Variants in SATB1 observed in about 807,000 individuals in gnomAD.
SATB1 encodes SATB homeobox 1.
SATB1 carries 11 observed loss-of-function variants against 86.9 expected under a neutral mutation model. That is an observed-to-expected ratio of 0.13 (90% CI 0.08 to 0.21). The LOEUF (loss-of-function observed/expected upper bound fraction) is 0.21, where lower values mean the gene tolerates loss of function less well. SATB1 is among the 10% of genes least tolerant of loss of function. The pLI is 1.00. For synonymous variants in SATB1, 357 were observed against 357.2 expected (o/e 1.00, Z 0.01); for missense variants, 551 against 937.6 (o/e 0.59, Z 5.39).
intron 5 of SATB1, 44 bp from the exon 6 acceptor site, chr3:18,397,334 C>G: frequency 3.0e-6 from 3 of 1,016,716 alleles, no homozygotes. Flanking sequence ...CACAGCAGCA[C>G]AAGATGGAAC....
Position 18,424,940 on chromosome 3 carries a change from TGTGTGTGCGTGA to T in SATB1, c.-1350_-1339del, listed in dbSNP as rs1468985949. On this transcript the variant is annotated 5_prime_UTR_variant, in exon 1 of 11. Coordinates refer to ENST00000338745, the MANE Select transcript of SATB1 (RefSeq NM_002971.6). ...ACAGGGAGAGGTGTGTGTGTGTTTG[TGTGTGTGCGTGA>T]GTGTGAGCGCGAGTCCCCGGACGGG... 1.9e-5 allele frequency: 3 copies of T among 155,064 alleles called. No individual in the cohort carries two copies. The highest frequency in any genetic ancestry group is 2.8e-5 in the Non-Finnish European group (2 of 70,430). The allele number at this position is 155,064 out of a possible 1,614,324, so 9.6% of individuals were successfully genotyped here.
chr3:18,348,563 AT>A lies in SATB1; in HGVS notation c.*606del, dbSNP rs1388347172. On this transcript the variant is annotated 3_prime_UTR_variant, in exon 11 of 11. Transcript: ENST00000338745. Reference sequence around the variant, plus strand: ...CCTTTTTTTAAAAAATCATGTAACAATGAGAATGAAAAAAAAGTACAGTGAA... The same window carrying A: ...CCTTTTTTTAAAAAATCATGTAACAAGAGAATGAAAAAAAAGTACAGTGAA... 1 of 152,544 alleles carries A rather than the reference AT, an allele frequency of 6.6e-6. No homozygotes were observed. The highest frequency in any genetic ancestry group is 1.5e-5 in the Non-Finnish European group (1 of 68,016). The allele number at this position is 152,544 out of a possible 1,614,324, so 9.4% of individuals were successfully genotyped here.
At chr3:18,358,970 C>T (rs28630375) in intron 9 of SATB1, among the ~76,000 whole-genome samples, 2,583 of 151,926 alleles carry the variant, frequency 0.017, 45 homozygotes, top group African/African-American at 0.034. Context: ...AGTTAAACAC[C>T]TCTACCAGAG....
Position 18,352,419 on chromosome 3 carries a change from G to A in SATB1, c.1576-224C>T, listed in dbSNP as rs764892913. On this transcript the variant is annotated intron_variant, in intron 9 of 10. Coordinates refer to ENST00000338745, the MANE Select transcript of SATB1 (RefSeq NM_002971.6). The surrounding 1 kb of genome is among the most constrained non-coding windows in gnomAD (Gnocchi z 4.1). ...AAGTTCAGATTTGCATCTCAAAGGA[G>A]GGACATATTTTTTCAGACTCTGAGG... 9.1e-5 allele frequency: 46 copies of A among 507,738 alleles called. 1 individual carries two copies. Among genetic ancestry groups the A allele is most frequent in the Non-Finnish European group, 1.6e-4 (46 of 282,504 alleles). 31.5% of individuals were successfully genotyped at this position (507,738 alleles called of 1,614,324 possible). A position where few individuals can be genotyped will look rare whatever the true frequency, so the allele number is the denominator to read the frequency against.
At chr3:18,389,368 TAAAA>T (rs200362551) in intron 7 of SATB1, among the ~76,000 whole-genome samples, 1 of 146,924 alleles carries the variant, frequency 6.8e-6, no homozygotes, top group South Asian at 2.2e-4. Flanking sequence ...GATAATTACT[TAAAA>T]AAAAAAGTCA....
At chr3:18,360,390 C>T (rs756261504) in intron 9 of SATB1, among the ~76,000 whole-genome samples, 12 of 152,102 alleles carry the variant, frequency 7.9e-5, no homozygotes, top group Non-Finnish European at 1.6e-4. Context: ...CTCTCAGGGG[C>T]TGTTTTCGAG....
chr3:18,424,845 G>C lies in SATB1; in HGVS notation c.-1243C>G, dbSNP rs1024372737. The C allele has an allele frequency of 2.6e-5, 4 of 152,754 alleles. No individual in the cohort carries two copies. The highest frequency in any genetic ancestry group is 5.8e-5 in the Non-Finnish European group (4 of 68,526). 9.5% of individuals were successfully genotyped at this position (152,754 alleles called of 1,614,324 possible). On this transcript the variant is annotated 5_prime_UTR_variant, in exon 1 of 11. Transcript: ENST00000338745. ...CTAGAGTCGCCCTGGCTTTCGGCTG[G>C]GCCCCCGGGCAGGATAGAGGGCGGC...
At chr3:18,397,346 C>T (rs779513368) in intron 5 of SATB1, 56 bp from the exon 6 acceptor site, 3 of 968,824 alleles carry the variant, frequency 3.1e-6, no homozygotes, top group Non-Finnish European at 5.0e-6. Context: ...AGATGGAACA[C>T]AGAAATGATC....
rs553399362 is a variant in SATB1 at position 18,408,368 on chromosome 3, T to G, written c.639+6743A>C. Among the ~76,000 whole-genome samples, 3 of 152,158 alleles carry G rather than the reference T, an allele frequency of 2.0e-5. No homozygotes were observed. In the South Asian group the frequency reaches 6.2e-4, roughly 31 times the overall value. On this transcript the variant is annotated intron_variant, in intron 5 of 10. Coordinates refer to ENST00000338745, the MANE Select transcript of SATB1 (RefSeq NM_002971.6). ...TCTTATATTTCTGTAGCGCCCTTCA[T>G]GCAAGCATCCCAGGGTGCTTTACAA...
chr3:18,354,186 T>C (rs1007699693), intron 9 of SATB1, among the ~76,000 whole-genome samples: 5 of 152,032 alleles, frequency 3.3e-5, no homozygotes, highest in Admixed American at 3.3e-4. Flanking sequence ...AGATGTTTAC[T>C]TAGCTTTTAC....
chr3:18,355,866 C>T (rs1694606649), intron 9 of SATB1, among the ~76,000 whole-genome samples: 1 of 151,882 alleles, frequency 6.6e-6, no homozygotes, highest in Non-Finnish European at 1.5e-5. Flanking sequence ...CAAGGAACAA[C>T]CTAAACTTTA....
intron 4 of SATB1, among the ~76,000 whole-genome samples, chr3:18,415,563 C>T (rs1468638331): frequency 6.8e-6 from 1 of 146,656 alleles, no homozygotes; most frequent in Admixed American, 7.1e-5. Context: ...GATTTCCTTT[C>T]ATTACTCTGT....
At chr3:18,362,875 A>AAAAAAAAAAC (rs1694982575) in intron 9 of SATB1, among the ~76,000 whole-genome samples, 1 of 145,692 alleles carries the variant, frequency 6.9e-6, no homozygotes, top group Non-Finnish European at 1.5e-5. Flanking sequence ...AAAAAAAAAA[A>AAAAAAAAAAC]AAAAAACCAA....
chr3:18,419,376 A>T (rs1698276821), intron 2 of SATB1, among the ~76,000 whole-genome samples: 1 of 152,194 alleles, frequency 6.6e-6, no homozygotes, highest in Non-Finnish European at 1.5e-5. Flanking sequence ...ATACCACATG[A>T]TTTAAACCTG....
intron 9 of SATB1, among the ~76,000 whole-genome samples, chr3:18,364,578 A>G (rs561391434): frequency 2.0e-5 from 3 of 152,142 alleles, no homozygotes; most frequent in South Asian, 2.1e-4. Context: ...AAATAAAGTC[A>G]TTTTTTTCAT....
At chr3:18,390,359 G>T (rs1194646653) in intron 7 of SATB1, among the ~76,000 whole-genome samples, 1 of 152,112 alleles carries the variant, frequency 6.6e-6, no homozygotes, top group Admixed American at 6.5e-5. Context: ...TGCCTCTGTT[G>T]TTTGGTGAAT....
upstream of SATB1, among the ~76,000 whole-genome samples, chr3:18,429,384 G>A (rs1328151747): frequency 6.6e-6 from 1 of 152,204 alleles, no homozygotes; most frequent in Admixed American, 6.5e-5. This position sits in a 1 kb window ranked among gnomAD's most constrained non-coding sequence, Gnocchi z 4.1. Context: ...TGTAAACATT[G>A]CACGCTTCTT....
chr3:18,399,051 C>T (rs1362480243), intron 5 of SATB1, among the ~76,000 whole-genome samples: 1 of 152,122 alleles, frequency 6.6e-6, no homozygotes, highest in African/African-American at 2.4e-5. Context: ...CACTCTGGTC[C>T]AATTTTTAAA....
chr3:18,351,378 C>T (rs753301741), intron 10 of SATB1: 3 of 1,555,138 alleles, frequency 1.9e-6, no homozygotes, highest in Admixed American at 1.9e-5. Context: ...CCTCTAGACT[C>T]TCCTTTCCCA....
Sources: allele counts gnomAD v4.1 joint callset (sites outside exome capture counted in the v4.1 genomes callset), GRCh38; gene constraint gnomAD v4.1.1; non-coding constraint Gnocchi (gnomAD v3.1); transcripts MANE v1.5; gene names NCBI Gene and HGNC (gene_info 2026-07-23, HGNC 2026-07-21).